MYCBP2: variants seen among roughly 807,000 people sequenced by gnomAD.
MYCBP2 encodes E3 ubiquitin-protein ligase MYCBP2.
MYCBP2 carries 120 observed loss-of-function variants against 525.3 expected under a neutral mutation model. The observed-to-expected ratio is 0.23, with a 90% CI of 0.20 to 0.27. MYCBP2 has a LOEUF of 0.27. Ranked by LOEUF, MYCBP2 falls within the 10% of genes least tolerant of loss-of-function variation. The probability of loss-of-function intolerance (pLI) is 1.00; values close to 1 mark genes in which losing one functional copy is unlikely to be tolerated. For missense variants in MYCBP2, 4,149 were observed against 5,657.1 expected (o/e 0.73, Z 8.55); for synonymous variants, 1,894 against 1,955.8 (o/e 0.97, Z 0.83).
chr13:77,296,694 T>C lies in MYCBP2; in HGVS notation c.303-20A>G. On this transcript the variant is annotated intron_variant, in intron 1 of 82. Coordinates refer to ENST00000544440, the MANE Select transcript of MYCBP2 (RefSeq NM_015057.5). ...TTATTCCTAAATATTAAAAGAAAAA[T>C]GGGAAAAAAATATGAATGTTCATAT... 2 of 1,323,986 alleles carry C rather than the reference T, an allele frequency of 1.5e-6. No individual in the cohort carries two copies. Among genetic ancestry groups the C allele is most frequent in the South Asian group, 1.4e-5 (1 of 72,520 alleles). 82.0% of individuals were successfully genotyped at this position (1,323,986 alleles called of 1,614,324 possible).
chr13:77,165,790 G>A (rs1195741934), intron 41 of MYCBP2, among the ~76,000 whole-genome samples: 1 of 152,054 alleles, frequency 6.6e-6, no homozygotes, highest in Non-Finnish European at 1.5e-5. Flanking sequence ...CAAACAAATA[G>A]GCAGGTCAGA....
chr13:77,166,522 T>G lies in MYCBP2; in HGVS notation c.6147A>C (p.Thr2049=), dbSNP rs146633340. Residue 2049 remains threonine (T), a synonymous_variant, in exon 41 of 83, where the codon ACA becomes ACC. Transcript: ENST00000544440. ...VTFPECVRWM[T]IEFDPQCGTA... is the part of the protein sequence containing the mutation. The stretch of plus-strand genomic sequence containing the variant: ...TACCACACTGAGGGTCAAATTCGAT[T>G]GTCATCCACCTCACACATTCTGGGA... 1.9e-3 allele frequency: 3,011 copies of G among 1,613,464 alleles called. 4 individuals carry two copies. Among genetic ancestry groups the G allele is most frequent in the South Asian group, 2.4e-3 (216 of 90,944 alleles).
intron 54 of MYCBP2, among the ~76,000 whole-genome samples, chr13:77,123,626 T>C (rs577347118): frequency 1.8e-4 from 28 of 152,292 alleles, no homozygotes; most frequent in Middle Eastern, 3.4e-3. Context: ...AGATATTAGG[T>C]TAACTTGGTC....
At chr13:77,237,283 G>C (rs1013827666) in intron 17 of MYCBP2, among the ~76,000 whole-genome samples, 1 of 152,118 alleles carries the variant, frequency 6.6e-6, no homozygotes, top group Admixed American at 6.5e-5. Context: ...ATGAGAAAAA[G>C]ATGTTGCAAA....
chr13:77,097,342 T>A, intron 56 of MYCBP2, 28 bp downstream of exon 56: 1 of 1,562,672 alleles, frequency 6.4e-7, no homozygotes, highest in East Asian at 2.2e-5. Flanking sequence ...AAAAAGCACT[T>A]ATACGTACAT....
chr13:77,159,380 C>T (rs1046761576), intron 44 of MYCBP2, among the ~76,000 whole-genome samples: 9 of 151,874 alleles, frequency 5.9e-5, no homozygotes, highest in East Asian at 3.8e-4. Context: ...ATTTGGGACA[C>T]CATTTTTTTT....
Position 77,086,031 on chromosome 13 carries a change from A to G in MYCBP2, c.10875+1453T>C, listed in dbSNP as rs566635185. On this transcript the variant is annotated intron_variant, in intron 62 of 82. Transcript: ENST00000544440. Reference sequence around the variant, plus strand: ...AGTATTAGGTAGATACATATCCAGGATTGATCTTTTATCATTTTGTACATC... The same window carrying G: ...AGTATTAGGTAGATACATATCCAGGGTTGATCTTTTATCATTTTGTACATC... 5.3e-5 allele frequency among the ~76,000 whole-genome samples: 8 copies of G among 152,242 alleles called. No individual in the cohort carries two copies. In the East Asian group the frequency reaches 1.5e-3, roughly 29 times the overall value.
At chr13:77,054,414 G>A (rs1257376772) in intron 80 of MYCBP2, among the ~76,000 whole-genome samples, 1 of 151,846 alleles carries the variant, frequency 6.6e-6, no homozygotes, top group Admixed American at 6.6e-5. Flanking sequence ...GTATTAATTA[G>A]CAGCAGTGTA....
chr13:77,193,095 C>T (rs2061439514), intron 27 of MYCBP2, among the ~76,000 whole-genome samples: 1 of 152,044 alleles, frequency 6.6e-6, no homozygotes, highest in Non-Finnish European at 1.5e-5. Flanking sequence ...CACCACTGCA[C>T]TCCAGCCTAG....
At chr13:77,179,844 C>T (rs975915015) in intron 34 of MYCBP2, among the ~76,000 whole-genome samples, 10 of 152,066 alleles carry the variant, frequency 6.6e-5, no homozygotes, top group African/African-American at 1.9e-4. Flanking sequence ...TTGCTTTTCA[C>T]GGGGCATGGT....
chr13:77,074,049 C>T (rs1181624876), intron 68 of MYCBP2, among the ~76,000 whole-genome samples: 1 of 128,068 alleles, frequency 7.8e-6, no homozygotes, highest in Admixed American at 8.9e-5. Context: ...TGATTCTAAG[C>T]TTTATATGGA....
At chr13:77,121,614 C>T (rs917469503) in intron 54 of MYCBP2, 119 bp from the exon 55 acceptor site, 2 of 999,996 alleles carry the variant, frequency 2.0e-6, no homozygotes, top group Non-Finnish European at 2.7e-6. Context: ...AAGCTCACAT[C>T]TAGATTTGAT....
At chr13:77,046,796 G>T (rs1294733780) in intron 82 of MYCBP2, among the ~76,000 whole-genome samples, 1 of 152,198 alleles carries the variant, frequency 6.6e-6, no homozygotes, top group Non-Finnish European at 1.5e-5. Context: ...CCTCAGGATG[G>T]GTCAGCATGG....
chr13:77,155,027 A>G (rs1898459290), intron 46 of MYCBP2, among the ~76,000 whole-genome samples: 1 of 152,080 alleles, frequency 6.6e-6, no homozygotes, highest in African/African-American at 2.4e-5. Flanking sequence ...CTATTCCATC[A>G]TATATTATAT....
chr13:77,104,200 T>C (rs2047507554), intron 55 of MYCBP2, among the ~76,000 whole-genome samples: 1 of 152,106 alleles, frequency 6.6e-6, no homozygotes, highest in Non-Finnish European at 1.5e-5. Flanking sequence ...GTCTTAGTAT[T>C]ATTGAAATAA....
chr13:77,164,358 A>C, intron 43 of MYCBP2, 96 bp downstream of exon 43: 1 of 764,792 alleles, frequency 1.3e-6, no homozygotes, highest in Non-Finnish European at 2.2e-6. Flanking sequence ...ATGAGATTAC[A>C]AAATTCATTT....
At position 77,275,011 on chromosome 13, in the gene MYCBP2, C is replaced by T. The variant is rs369553141; in HGVS notation, c.749-1343G>A. On this transcript the variant is annotated intron_variant, in intron 4 of 82. Coordinates refer to ENST00000544440, the MANE Select transcript of MYCBP2 (RefSeq NM_015057.5). Reference sequence around the variant, plus strand: ...CCCTGTTTGTCCATATTTCCATCTACCCATCCTTCCTCCAATTATTATCCT... The same window carrying T: ...CCCTGTTTGTCCATATTTCCATCTATCCATCCTTCCTCCAATTATTATCCT... Among the ~76,000 whole-genome samples, 353 of 152,194 alleles carry T rather than the reference C, an allele frequency of 2.3e-3. 1 individual carries two copies. The highest frequency in any genetic ancestry group is 4.3e-3 in the Non-Finnish European group (294 of 68,020).
At chr13:77,319,747 G>C (rs2081370077) in intron 1 of MYCBP2, among the ~76,000 whole-genome samples, 1 of 152,206 alleles carries the variant, frequency 6.6e-6, no homozygotes, top group Admixed American at 6.5e-5. Flanking sequence ...CATAGCTACA[G>C]TGCATGCCAA....
chr13:77,274,984 A>T (rs1470413129), intron 4 of MYCBP2, among the ~76,000 whole-genome samples: 1 of 151,136 alleles, frequency 6.6e-6, no homozygotes, highest in African/African-American at 2.4e-5. Context: ...CCTTTCATCT[A>T]TCCCTGTTTG....
Sources: allele counts gnomAD v4.1 joint callset (sites outside exome capture counted in the v4.1 genomes callset), GRCh38; gene constraint gnomAD v4.1.1; transcripts MANE v1.5; gene names NCBI Gene and HGNC (gene_info 2026-07-23, HGNC 2026-07-21).